Variants in COL4A4 observed in about 807,000 individuals in gnomAD.
COL4A4 encodes collagen alpha-4(IV) chain.
In COL4A4, 105 loss-of-function variants were observed where a neutral mutation model predicts 192.9. The observed-to-expected ratio is 0.54, with a 90% CI of 0.46 to 0.64. The LOEUF (loss-of-function observed/expected upper bound fraction) is 0.64. Ranked by LOEUF, COL4A4 falls within the 30% of genes least tolerant of loss-of-function variation. COL4A4 has a pLI of 0.00. For synonymous variants in COL4A4, 762 were observed against 769.9 expected, an observed-to-expected ratio of 0.99 and a Z score of 0.17; for missense variants, 1,967 against 2,169.3, an observed-to-expected ratio of 0.91 and a Z score of 1.85.
chr2:227,047,098 G>T (rs1310351230), intron 35 of COL4A4, among the ~76,000 whole-genome samples: 1 of 152,050 alleles, frequency 6.6e-6, no homozygotes, highest in Non-Finnish European at 1.5e-5. Context: ...TGTAGTCATT[G>T]TGAGTGGTTA....
chr2:227,038,408 T>C (rs539550067), intron 37 of COL4A4, among the ~76,000 whole-genome samples: 1 of 152,354 alleles, frequency 6.6e-6, no homozygotes, highest in South Asian at 2.1e-4. Flanking sequence ...AGGTCTCTGT[T>C]TTGTTCCATT....
chr2:227,145,955 A>C (rs1326869409), intron 2 of COL4A4, among the ~76,000 whole-genome samples: 2 of 152,262 alleles, frequency 1.3e-5, no homozygotes, highest in Admixed American at 6.5e-5. Flanking sequence ...AACTGCTTTA[A>C]ATCAGGTTGA....
At position 227,089,861 on chromosome 2, in the gene COL4A4, T is replaced by C; in HGVS notation, c.1459+7A>G. The C allele has an allele frequency of 6.2e-7, 1 of 1,609,440 alleles. No homozygotes were observed. Among genetic ancestry groups the C allele is most frequent in the East Asian group, 2.2e-5 (1 of 44,816 alleles). On this transcript the variant is annotated splice_region_variant and intron_variant, in intron 21 of 47. Coordinates refer to ENST00000396625, the MANE Select transcript of COL4A4 (RefSeq NM_000092.5). ...TTCTAGAAATTCTACCTTTGGTGCC[T>C]ACTTGCCTTTTTCTCCTTTTGGGCC... is the stretch of plus-strand genomic sequence containing the variant.
rs201233834 is a variant in COL4A4, at chr2:227,094,289, C to T, written c.1205G>A (p.Gly402Asp). ...TTGTGGCCCAGGGGGTCCTATCATG[C>T]CTGCAAGATAAATCAAGAATGAAAA... Reference protein sequence around the residue: ...LLGRPGEACAGMIGPPGPQGF... With the variant: ...LLGRPGEACADMIGPPGPQGF... Residue 402 changes from glycine (G) to aspartate (D), a missense_variant and splice_region_variant, in exon 20 of 48, where the codon GGC (glycine) becomes GAC (aspartate). Coordinates refer to ENST00000396625, the MANE Select transcript of COL4A4 (RefSeq NM_000092.5). 4.1e-5 allele frequency: 66 copies of T among 1,613,282 alleles called. No homozygotes were observed. Among genetic ancestry groups the T allele is most frequent in the Non-Finnish European group, 4.7e-5 (56 of 1,179,760 alleles).
intron 25 of COL4A4, among the ~76,000 whole-genome samples, chr2:227,067,424 GCACCA>G (rs1287626316): frequency 6.6e-6 from 1 of 152,112 alleles, no homozygotes; most frequent in African/African-American, 2.4e-5. Flanking sequence ...ATTTTTTTCT[GCACCA>G]CACCACACCT....
At chr2:227,007,780 A>G (rs1321524102) in intron 47 of COL4A4, among the ~76,000 whole-genome samples, 192 bp from the exon 48 acceptor site, 1 of 152,262 alleles carries the variant, frequency 6.6e-6, no homozygotes, top group Admixed American at 6.5e-5. Flanking sequence ...CTCCAGTTTC[A>G]CCGATGGCTG....
At chr2:226,981,710 G>C in the COL4A4 span, among the ~76,000 whole-genome samples, 1 of 152,168 alleles carries the variant, frequency 6.6e-6, no homozygotes. Flanking sequence ...ACAGAAACAG[G>C]CGTGGTTTTA....
Position 227,008,070 on chromosome 2 carries a change from G to A in COL4A4, c.4757C>T (p.Pro1586Leu). 1 of 1,614,008 alleles carries A rather than the reference G, an allele frequency of 6.2e-7. No individual in the cohort carries two copies. Among genetic ancestry groups the A allele is most frequent in the Non-Finnish European group, 8.5e-7 (1 of 1,180,008 alleles). Reference sequence around the variant, plus strand: ...GCTCCTCCAGGTCTGCGGACATGGGGGGATGGACTGGTCCTGGCTGTGCAC... The same window carrying A: ...GCTCCTCCAGGTCTGCGGACATGGGAGGATGGACTGGTCCTGGCTGTGCAC... ...VAVHSQDQSI[P>L]PCPQTWRSLW... Residue 1586 changes from proline to leucine, a missense_variant, in exon 47 of 48, where the codon CCC becomes CTC. Pro to Leu is a moderately conservative substitution (Grantham distance 98). Coordinates refer to ENST00000396625, the MANE Select transcript of COL4A4 (RefSeq NM_000092.5).
chr2:226,981,218 G>T, the COL4A4 span, among the ~76,000 whole-genome samples: 4 of 152,152 alleles, frequency 2.6e-5, no homozygotes, highest in Non-Finnish European at 4.4e-5. Flanking sequence ...GGCCTGTCAT[G>T]GGGTGAGGGA....
chr2:227,078,757 T>C lies in COL4A4; in HGVS notation c.1804-680A>G, dbSNP rs1576358717. Among the ~76,000 whole-genome samples, 7 of 152,328 alleles carry C rather than the reference T, an allele frequency of 4.6e-5. No individual in the cohort carries two copies. In the South Asian group the frequency reaches 1.5e-3, roughly 32 times the overall value. On this transcript the variant is annotated intron_variant, in intron 24 of 47. Coordinates refer to ENST00000396625, the MANE Select transcript of COL4A4 (RefSeq NM_000092.5). ...ATTCTTATGTATTCTCTTGACAAGA[T>C]ACATAGCTAGACTCCATCATCCTCC... is the stretch of plus-strand genomic sequence containing the variant.
intron 8 of COL4A4, among the ~76,000 whole-genome samples, chr2:227,112,975 G>A (rs1172844554): frequency 2.6e-5 from 4 of 152,096 alleles, no homozygotes; most frequent in Non-Finnish European, 5.9e-5. Context: ...TGATGGACAC[G>A]ATTACTTCCA....
intron 2 of COL4A4, among the ~76,000 whole-genome samples, chr2:227,145,046 T>G (rs527665002): frequency 2.0e-5 from 3 of 152,204 alleles, no homozygotes; most frequent in African/African-American, 7.2e-5. Context: ...TATGGAATAT[T>G]TAGGGAAAAG....
downstream of COL4A4, chr2:226,998,995 A>G (rs1170461605): frequency 1.3e-5 from 2 of 152,204 alleles, no homozygotes; most frequent in African/African-American, 2.4e-5. Flanking sequence ...TCCAGCCCCC[A>G]TCTGAATCCT....
chr2:226,970,855 C>T, the COL4A4 span, among the ~76,000 whole-genome samples: 1 of 152,136 alleles, frequency 6.6e-6, no homozygotes, highest in Non-Finnish European at 1.5e-5. Context: ...GGAGGGATAT[C>T]GTGCCCATCA....
chr2:227,108,792 G>T, intron 11 of COL4A4, 41 bp downstream of exon 11: 3 of 1,602,924 alleles, frequency 1.9e-6, no homozygotes, highest in Non-Finnish European at 2.6e-6. Flanking sequence ...CCATTTCATT[G>T]TTCAGGGCTC....
the COL4A4 span, chr2:226,995,383 C>G: frequency 8.2e-7 from 1 of 1,225,084 alleles, no homozygotes; most frequent in African/African-American, 1.5e-5. Context: ...GTACACATGC[C>G]TTGTCACGTC....
At chr2:227,155,294 A>G (rs1032088486) in intron 1 of COL4A4, among the ~76,000 whole-genome samples, 1 of 151,684 alleles carries the variant, frequency 6.6e-6, no homozygotes, top group Non-Finnish European at 1.5e-5. Flanking sequence ...CAGTTCACCC[A>G]CCATCTGGCA....
chr2:227,019,902 G>C (rs1024975888), intron 44 of COL4A4, among the ~76,000 whole-genome samples: 6 of 152,198 alleles, frequency 3.9e-5, no homozygotes, highest in African/African-American at 1.4e-4. Context: ...CCTGACCTCA[G>C]GTGATCTGCC....
chr2:227,138,920 G>A (rs1031510126), intron 4 of COL4A4, among the ~76,000 whole-genome samples: 6 of 152,166 alleles, frequency 3.9e-5, no homozygotes, highest in Non-Finnish European at 5.9e-5. Context: ...TGAATGTCAT[G>A]CACAGCCCCC....
Sources: allele counts gnomAD v4.1 joint callset (sites outside exome capture counted in the v4.1 genomes callset), GRCh38; gene constraint gnomAD v4.1.1; transcripts MANE v1.5; gene names NCBI Gene and HGNC (gene_info 2026-07-23, HGNC 2026-07-21).